The following HEY1 variants were observed in gnomAD, a reference collection of about 807,000 sequenced individuals.
HEY1 encodes the protein hairy/enhancer-of-split related with YRPW motif protein 1.
HEY1 carries 9 observed loss-of-function variants against 28.7 expected under a neutral mutation model. That is an observed-to-expected ratio of 0.31 (90% CI 0.19 to 0.55). HEY1 has a LOEUF of 0.55. Ranked by LOEUF, HEY1 falls within the 20% of genes least tolerant of loss-of-function variation. The probability of loss-of-function intolerance (pLI) is 0.93; values close to 1 mark genes in which losing one functional copy is unlikely to be tolerated. For synonymous variants in HEY1, 213 were observed against 175.6 expected (o/e 1.21, Z -1.68); for missense variants, 385 against 399.4 (o/e 0.96, Z 0.31).
Position 79,767,474 on chromosome 8 carries a change from C to T in HEY1, c.89+101G>A, listed in dbSNP as rs1291160079. The T allele has an allele frequency of 4.0e-6, 5 of 1,264,528 alleles. No homozygotes were observed. In the East Asian group the frequency reaches 1.2e-4, roughly 31 times the overall value. 78.3% of individuals were successfully genotyped at this position (1,264,528 alleles called of 1,614,324 possible). On this transcript the variant is annotated intron_variant, in intron 1 of 4. Coordinates refer to ENST00000354724, the MANE Select transcript of HEY1 (RefSeq NM_012258.4). ...AGCCTGCGACGCGCGGAGGTCAGCG[C>T]AGGGCACCGGCGCGCCAAGGGTCCT...
chr8:79,765,325 A>G lies in HEY1; in HGVS notation c.778T>C (p.Ser260Pro). The G allele has an allele frequency of 6.4e-7, 1 of 1,567,720 alleles. No individual in the cohort carries two copies. Among genetic ancestry groups the G allele is most frequent in the Non-Finnish European group, 8.7e-7 (1 of 1,155,510 alleles). The change falls in exon 5 of 5, where the codon TCC becomes CCC. Residue 260 changes from serine to proline, a missense_variant. By Grantham distance (74) the Ser-to-Pro change is moderately conservative (BLOSUM62 -1). Transcript: ENST00000354724. ...LSPPLLSSVA[S>P]LSAFPFSFGS... ...AAAGAGAAGGGGAAGGCCGACAGGG[A>G]GGCCACTGAGGAGAGCAGAGGCGGC...
rs1807859841 is a variant in HEY1, at chr8:79,767,015, C to T, written c.243G>A (p.Glu81=). 6.2e-7 allele frequency: 1 copy of T among 1,613,564 alleles called. No homozygotes were observed. The stretch of plus-strand genomic sequence containing the variant: ...TACCTACTTGCTCCATTACCTGCTT[C>T]TCAAAAGCACTGGGTACCAGCCTTC... The part of the protein sequence containing the change: ...ELRRLVPSAF[E]KQGSAKLEKA... Residue 81 remains glutamate, a synonymous_variant, in exon 3 of 5, where the codon GAG becomes GAA. Transcript: ENST00000354724.
chr8:79,765,915 CA>C, intron 4 of HEY1, 144 bp from the exon 5 acceptor site: 1 of 785,316 alleles, frequency 1.3e-6, no homozygotes, highest in Non-Finnish European at 2.0e-6. Flanking sequence ...TTGGAATCAA[CA>C]AAAATCTTTG....
chr8:79,765,854 A>T (rs571516394), intron 4 of HEY1, 83 bp from the exon 5 acceptor site: 2 of 1,183,222 alleles, frequency 1.7e-6, no homozygotes, highest in Non-Finnish European at 2.4e-6. Flanking sequence ...CCTTCCTGGC[A>T]GATACCTGCA....
At position 79,765,754 on chromosome 8, in the gene HEY1, C is replaced by A. The variant is rs766267726; in HGVS notation, c.349G>T (p.Ala117Ser). Reference protein sequence around the residue: ...AGGKGYFDAHALAMDYRSLGF... With the variant: ...AGGKGYFDAHSLAMDYRSLGF... ...AAACTCCGATAGTCCATAGCAAGGG[C>A]GTGCGCGTCAAAGTAACCTAAGCAA... The change falls in exon 5 of 5, where the codon GCC becomes TCC. Residue 117 changes from alanine to serine, a missense_variant. Coordinates refer to ENST00000354724, the MANE Select transcript of HEY1 (RefSeq NM_012258.4). 2.1e-5 allele frequency: 34 copies of A among 1,605,968 alleles called. No homozygotes were observed. In the East Asian group the frequency reaches 7.2e-4, roughly 34 times the overall value.
intron 2 of HEY1, 53 bp downstream of exon 2, chr8:79,767,166 G>A (rs1807864816): frequency 1.9e-6 from 3 of 1,581,480 alleles, no homozygotes; most frequent in Non-Finnish European, 2.6e-6. Context: ...AAAAAAGGTG[G>A]TTATTTCCGT....
Position 79,765,408 on chromosome 8 carries a change from G to A in HEY1, c.695C>T (p.Pro232Leu). 1.2e-6 allele frequency: 2 copies of A among 1,609,412 alleles called. No individual in the cohort carries two copies. Among genetic ancestry groups the A allele is most frequent in the Middle Eastern group, 1.7e-4 (1 of 5,912 alleles). ...CACCGGTCCGAGGCTGCCGCTAGGG[G>A]GCGCTCGCAAAGCAGGCGCCTCCGG... Reference protein sequence around the residue: ...AHPEAPALRAPPSGSLGPVLP... With the variant: ...AHPEAPALRALPSGSLGPVLP... The change falls in exon 5 of 5, where the codon CCC becomes CTC. Residue 232 changes from proline to leucine, a missense_variant. Physicochemically the swap from Pro to Leu is moderately conservative, Grantham distance 98 (BLOSUM62 -3). Coordinates refer to ENST00000354724, the MANE Select transcript of HEY1 (RefSeq NM_012258.4).
At position 79,765,318 on chromosome 8, in the gene HEY1, G is replaced by GC; in HGVS notation, c.784_785insG (p.Ser262CysfsTer34). On this transcript the variant is annotated frameshift_variant, in exon 5 of 5. Coordinates refer to ENST00000354724, the MANE Select transcript of HEY1 (RefSeq NM_012258.4). LOFTEE classifies it high-confidence loss of function. Reference sequence around the variant, plus strand: ...GGAGCCGAAAGAGAAGGGGAAGGCCGACAGGGAGGCCACTGAGGAGAGCAG... The same window carrying GC: ...GGAGCCGAAAGAGAAGGGGAAGGCCGCACAGGGAGGCCACTGAGGAGAGCAG... 1 of 1,564,472 alleles carries GC rather than the reference G, an allele frequency of 6.4e-7. No homozygotes were observed. Among genetic ancestry groups the GC allele is most frequent in the Non-Finnish European group, 8.7e-7 (1 of 1,153,542 alleles).
Position 79,767,101 on chromosome 8 carries a change from G to A in HEY1, c.166-9C>T, listed in dbSNP as rs775899254. On this transcript the variant is annotated splice_polypyrimidine_tract_variant and intron_variant, in intron 2 of 4. Transcript: ENST00000354724. ...CGGCGCTTCTCAATTATCTGCAGAAGGCAAGCAAAACAAAGGAAGGCATTA... is the reference window on the plus strand; with the variant it reads ...CGGCGCTTCTCAATTATCTGCAGAAAGCAAGCAAAACAAAGGAAGGCATTA... 1.4e-5 allele frequency: 23 copies of A among 1,612,242 alleles called. No individual in the cohort carries two copies. The highest frequency in any genetic ancestry group is 1.7e-5 in the Admixed American group (1 of 59,986).
At chr8:79,767,131 T>C (rs1307441504) in intron 2 of HEY1, 39 bp from the exon 3 acceptor site, 1 of 1,589,386 alleles carries the variant, frequency 6.3e-7, no homozygotes, top group Admixed American at 1.7e-5. Context: ...GCATTACCAT[T>C]ACGACTGTAA....
chr8:79,766,065 CAAA>C, intron 4 of HEY1: 1 of 714,412 alleles, frequency 1.4e-6, no homozygotes, highest in East Asian at 2.8e-5. Context: ...TCAACAACAA[CAAA>C]AAATACATCA....
intron 1 of HEY1, 109 bp from the exon 2 acceptor site, chr8:79,767,403 T>C (rs1807872706): frequency 1.7e-6 from 2 of 1,201,088 alleles, no homozygotes; most frequent in Non-Finnish European, 2.4e-6. Context: ...TTTTTGCCAC[T>C]TGGGCTGGAA....
In HEY1 at chr8:79,765,428, C is replaced by T. The variant is rs978509418; in HGVS notation, c.675G>A (p.Glu225=). ...HQGRLGSAHP[E]APALRAPPSG... is the part of the protein sequence containing the mutation. ...TAGGGGGCGCTCGCAAAGCAGGCGC[C>T]TCCGGATGTGCCGAGCCCAGCCTGC... The change falls in exon 5 of 5, where the codon GAG becomes GAA. Residue 225 remains glutamate, a synonymous_variant. Coordinates refer to ENST00000354724, the MANE Select transcript of HEY1 (RefSeq NM_012258.4). 1.2e-6 allele frequency: 2 copies of T among 1,611,930 alleles called. No homozygotes were observed. Among genetic ancestry groups the T allele is most frequent in the Non-Finnish European group, 1.7e-6 (2 of 1,179,164 alleles).
At chr8:79,766,315 T>C (rs1807835530) in intron 4 of HEY1, 3 of 1,512,962 alleles carry the variant, frequency 2.0e-6, no homozygotes, top group South Asian at 1.3e-5. Flanking sequence ...AGACCACATA[T>C]TGTTTTTAAA....
At chr8:79,766,195 A>G in intron 4 of HEY1, 3 of 1,533,060 alleles carry the variant, frequency 2.0e-6, no homozygotes, top group Non-Finnish European at 2.6e-6. Context: ...AGAGACATAC[A>G]CACAGACCTT....
At position 79,764,939 on chromosome 8, in the gene HEY1, C is replaced by G. The variant is rs1312777914; in HGVS notation, c.*249G>C. ...ATCACAAAGTGTTGGCTTATACTCA[C>G]TATTTCAATTTAATGTCTTGAACAA... On this transcript the variant is annotated 3_prime_UTR_variant, in exon 5 of 5. Transcript: ENST00000354724. The G allele has an allele frequency of 5.0e-6, 2 of 397,916 alleles. No homozygotes were observed. Among genetic ancestry groups the G allele is most frequent in the East Asian group, 4.0e-5 (1 of 24,696 alleles). 24.6% of individuals were successfully genotyped at this position (397,916 alleles called of 1,614,324 possible).
Position 79,764,954 on chromosome 8 carries a change from G to A in HEY1, c.*234C>T, listed in dbSNP as rs1807789679. On this transcript the variant is annotated 3_prime_UTR_variant, in exon 5 of 5. Coordinates refer to ENST00000354724, the MANE Select transcript of HEY1 (RefSeq NM_012258.4). ...CTTATACTCACTATTTCAATTTAAT[G>A]TCTTGAACAAAATTTAACAACTAGT... The A allele has an allele frequency of 1.2e-5, 5 of 421,256 alleles. No homozygotes were observed. The highest frequency in any genetic ancestry group is 4.0e-5 in the Admixed American group (1 of 24,860). 26.1% of individuals were successfully genotyped at this position (421,256 alleles called of 1,614,324 possible).
At chr8:79,766,189 A>G (rs890421784) in intron 4 of HEY1, 1 of 1,526,160 alleles carries the variant, frequency 6.6e-7, no homozygotes, top group Admixed American at 2.0e-5. Context: ...TGCTGGAGAG[A>G]CATACACACA....
Position 79,765,013 on chromosome 8 carries a change from A to AAAAC in HEY1, c.*171_*174dup, listed in dbSNP as rs1265287060. On this transcript the variant is annotated 3_prime_UTR_variant, in exon 5 of 5. Coordinates refer to ENST00000354724, the MANE Select transcript of HEY1 (RefSeq NM_012258.4). ...ACTGCTAATACATGACATGATGAAAAAAACATTAAAAAAGATAAAAGTAAA... is the reference window on the plus strand; with the variant it reads ...ACTGCTAATACATGACATGATGAAAAAAACAAACATTAAAAAAGATAAAAGTAAA... 1 of 532,080 alleles carries AAAAC rather than the reference A, an allele frequency of 1.9e-6. No homozygotes were observed. The highest frequency in any genetic ancestry group is 3.0e-5 in the East Asian group (1 of 32,858). 33.0% of individuals were successfully genotyped at this position (532,080 alleles called of 1,614,324 possible).
Sources: gnomAD v4.1 joint callset for allele counts on GRCh38, gnomAD v4.1.1 for gene constraint, MANE v1.5 for transcripts, NCBI Gene and HGNC (gene_info 2026-07-23, HGNC 2026-07-21) for gene names.